OTUD7A: variants seen among roughly 807,000 people sequenced by gnomAD.
The protein encoded by OTUD7A is OTU deubiquitinase 7A.
In OTUD7A, 12 loss-of-function variants were observed where a neutral mutation model predicts 65.7. That is an observed-to-expected ratio of 0.18 (90% CI 0.12 to 0.30). The LOEUF (loss-of-function observed/expected upper bound fraction) is 0.30. OTUD7A is among the 10% of genes least tolerant of loss of function. The pLI, the probability that OTUD7A is intolerant of heterozygous loss-of-function variation, is 1.00. For missense variants in OTUD7A, 1,148 were observed against 1,304.8 expected (o/e 0.88, Z 1.85); for synonymous variants, 641 against 586.3 (o/e 1.09, Z -1.35).
intron 8 of OTUD7A, among the ~76,000 whole-genome samples, chr15:31,507,643 G>T (rs894582420): frequency 1.3e-5 from 2 of 151,730 alleles, no homozygotes; most frequent in South Asian, 2.1e-4. Flanking sequence ...CTGGGGGGCG[G>T]GGGTGGCAAG....
At chr15:31,836,966 A>G (rs1437940049) in intron 1 of OTUD7A, among the ~76,000 whole-genome samples, 1 of 152,230 alleles carries the variant, frequency 6.6e-6, no homozygotes, top group African/African-American at 2.4e-5. Flanking sequence ...GCTATTCCAC[A>G]TAGTACTAGA....
At chr15:31,646,555 G>C (rs1891675157) in intron 3 of OTUD7A, among the ~76,000 whole-genome samples, 1 of 151,586 alleles carries the variant, frequency 6.6e-6, no homozygotes, top group Non-Finnish European at 1.5e-5. Context: ...CTGCCTCCTG[G>C]GTTCAAGCAA....
chr15:31,842,781 T>C (rs555109038), intron 1 of OTUD7A, among the ~76,000 whole-genome samples: 17 of 152,120 alleles, frequency 1.1e-4, no homozygotes, highest in Non-Finnish European at 2.4e-4. Context: ...TTAAAGCATG[T>C]CTCTCATGAC....
chr15:31,621,505 C>A (rs1281747143), intron 3 of OTUD7A, among the ~76,000 whole-genome samples: 3 of 152,038 alleles, frequency 2.0e-5, no homozygotes, highest in Non-Finnish European at 2.9e-5. Flanking sequence ...TGAATTGATC[C>A]CTTTACCATT....
chr15:31,504,382 C>T (rs1170603187), intron 8 of OTUD7A, among the ~76,000 whole-genome samples: 2 of 152,148 alleles, frequency 1.3e-5, no homozygotes, highest in African/African-American at 4.8e-5. Context: ...GAATGTGCAG[C>T]CCAGGTGGCC....
chr15:31,616,148 C>T (rs1206501020), intron 3 of OTUD7A, among the ~76,000 whole-genome samples: 1 of 152,240 alleles, frequency 6.6e-6, no homozygotes, highest in Non-Finnish European at 1.5e-5. Context: ...ATGCAGCACT[C>T]CATCCCTTTT....
At chr15:31,763,956 G>A (rs2140906637) in intron 1 of OTUD7A, among the ~76,000 whole-genome samples, 2 of 152,122 alleles carry the variant, frequency 1.3e-5, no homozygotes, top group East Asian at 3.8e-4. Context: ...GAATGGGGAG[G>A]AAACAAAGAT....
intron 5 of OTUD7A, among the ~76,000 whole-genome samples, chr15:31,548,041 G>C (rs1038154328): frequency 2.6e-5 from 4 of 151,388 alleles, no homozygotes; most frequent in Non-Finnish European, 4.4e-5. Flanking sequence ...AGTCTCCTGG[G>C]CTTGTGAACT....
chr15:31,633,385 C>T (rs1440893567), intron 3 of OTUD7A, among the ~76,000 whole-genome samples: 1 of 152,158 alleles, frequency 6.6e-6, no homozygotes, highest in East Asian at 1.9e-4. Flanking sequence ...CATTTCTCAC[C>T]TTAGACCTTT....
intron 1 of OTUD7A, among the ~76,000 whole-genome samples, chr15:31,840,915 CAA>C (rs1406692379): frequency 6.6e-6 from 1 of 152,154 alleles, no homozygotes; most frequent in African/African-American, 2.4e-5. Flanking sequence ...AAGGAATACC[CAA>C]AGTCACAGGC....
In OTUD7A at chr15:31,866,183, G is replaced by T. The variant is rs8033850; in HGVS notation, c.-100+4324C>A. On this transcript the variant is annotated intron_variant, in intron 1 of 12. Coordinates refer to ENST00000307050, the MANE Select transcript of OTUD7A (RefSeq NM_001382637.1). ...TAATAGCAAGGACTGGGGTTTTGTG[G>T]AATCATGCAATTTTACCAAACAAGG... Among the ~76,000 whole-genome samples the T allele has an allele frequency of 2.5e-3, 377 of 152,310 alleles. 2 individuals carry two copies. The highest frequency in any genetic ancestry group is 8.7e-3 in the African/African-American group (361 of 41,568).
chr15:31,677,969 T>C (rs1182299769), intron 1 of OTUD7A, among the ~76,000 whole-genome samples: 1 of 152,122 alleles, frequency 6.6e-6, no homozygotes, highest in Non-Finnish European at 1.5e-5. Flanking sequence ...ATGCTGACAG[T>C]GAGATGGACA....
chr15:31,783,624 A>C (rs774803549), intron 1 of OTUD7A, among the ~76,000 whole-genome samples: 35 of 152,200 alleles, frequency 2.3e-4, no homozygotes, highest in Non-Finnish European at 4.3e-4. Flanking sequence ...CTTGTGTGTA[A>C]GTGTTCCTGA....
chr15:31,783,371 T>G (rs953385396), intron 1 of OTUD7A, among the ~76,000 whole-genome samples: 1 of 152,160 alleles, frequency 6.6e-6, no homozygotes, highest in African/African-American at 2.4e-5. Flanking sequence ...TCATGATCAT[T>G]CAATGATCAT....
intron 1 of OTUD7A, among the ~76,000 whole-genome samples, chr15:31,808,675 C>T (rs1237495262): frequency 6.6e-6 from 1 of 152,222 alleles, no homozygotes; most frequent in Non-Finnish European, 1.5e-5. Flanking sequence ...TTCCAGACAG[C>T]ATGATCCAAG....
At chr15:31,844,666 T>C (rs1373911870) in intron 1 of OTUD7A, among the ~76,000 whole-genome samples, 1 of 152,224 alleles carries the variant, frequency 6.6e-6, no homozygotes, top group Non-Finnish European at 1.5e-5. Context: ...CCATAGCCAG[T>C]AACGTGTCCC....
intron 3 of OTUD7A, among the ~76,000 whole-genome samples, chr15:31,643,858 G>C (rs1891588117): frequency 6.6e-6 from 1 of 152,280 alleles, no homozygotes; most frequent in Non-Finnish European, 1.5e-5. Context: ...AGAGTCCTTG[G>C]CAGAACTTCC....
rs144995355 is a variant in OTUD7A at position 31,573,859 on chromosome 15, C to A, written c.152-3662G>T. Among the ~76,000 whole-genome samples, 595 of 152,276 alleles carry A rather than the reference C, an allele frequency of 3.9e-3. 5 individuals carry two copies. Among genetic ancestry groups the A allele is most frequent in the African/African-American group, 0.014 (565 of 41,546 alleles). On this transcript the variant is annotated intron_variant, in intron 3 of 12. Coordinates refer to ENST00000307050, the MANE Select transcript of OTUD7A (RefSeq NM_001382637.1). Reference sequence around the variant, plus strand: ...GAGGTTGCAGTGAGCTGAGATTGCACCACTGCATGCCAGCCTGGGCGACAG... The same window carrying A: ...GAGGTTGCAGTGAGCTGAGATTGCAACACTGCATGCCAGCCTGGGCGACAG...
chr15:31,709,763 C>A (rs1168775382), intron 1 of OTUD7A, among the ~76,000 whole-genome samples: 1 of 151,958 alleles, frequency 6.6e-6, no homozygotes, highest in Non-Finnish European at 1.5e-5. Flanking sequence ...GAGGACTGTG[C>A]AGCTGCCTTA....
Sources: allele counts gnomAD v4.1 joint callset (sites outside exome capture counted in the v4.1 genomes callset), GRCh38; gene constraint gnomAD v4.1.1; transcripts MANE v1.5; gene names NCBI Gene and HGNC (gene_info 2026-07-23, HGNC 2026-07-21).